The following PCP4 variants were observed in gnomAD, a reference collection of about 807,000 sequenced individuals.
PCP4 encodes the protein calmodulin regulator protein PCP4.
In PCP4, 8 loss-of-function variants were observed where a neutral mutation model predicts 10.0. The observed-to-expected ratio is 0.80, with a 90% CI of 0.47 to 1.45. The LOEUF (loss-of-function observed/expected upper bound fraction) is 1.45, where lower values mean the gene tolerates loss of function less well. Ranked by LOEUF, PCP4 falls within the 40% of genes most tolerant of loss-of-function variation. PCP4 has a pLI of 0.00. For synonymous variants in PCP4, 21 were observed against 23.0 expected, an observed-to-expected ratio of 0.91 and a Z score of 0.24; for missense variants, 54 against 74.4, an observed-to-expected ratio of 0.73 and a Z score of 1.01.
At chr21:39,878,323 T>C (rs1161634024) in intron 1 of PCP4, among the ~76,000 whole-genome samples, 1 of 152,206 alleles carries the variant, frequency 6.6e-6, no homozygotes. Flanking sequence ...CACACATTGA[T>C]TGAAGAATAG....
intron 2 of PCP4, among the ~76,000 whole-genome samples, chr21:39,913,180 C>G (rs7275479): frequency 0.92 from 140,328 of 152,190 alleles, 64,889 homozygotes; most frequent in African/African-American, 0.98. Context: ...TAAAATGACC[C>G]ATCTTTAAAA....
intron 2 of PCP4, among the ~76,000 whole-genome samples, chr21:39,904,310 A>G (rs2087496252): frequency 6.6e-6 from 1 of 152,004 alleles, no homozygotes; most frequent in Admixed American, 6.5e-5. Flanking sequence ...TTCTTGGTGC[A>G]AGATTATCTT....
intron 2 of PCP4, among the ~76,000 whole-genome samples, chr21:39,918,698 C>T (rs774396087): frequency 2.4e-4 from 36 of 152,190 alleles, no homozygotes; most frequent in Non-Finnish European, 4.4e-4. Context: ...TGCCTCTTAG[C>T]ACAGACCTGG....
chr21:39,894,921 C>T (rs2087449587), intron 1 of PCP4, among the ~76,000 whole-genome samples: 1 of 152,152 alleles, frequency 6.6e-6, no homozygotes, highest in Admixed American at 6.5e-5. Context: ...TCTGTCACGT[C>T]ATGAAAAAGA....
At chr21:39,881,527 C>T (rs568890172) in intron 1 of PCP4, among the ~76,000 whole-genome samples, 3 of 152,246 alleles carry the variant, frequency 2.0e-5, no homozygotes, top group African/African-American at 7.2e-5. Flanking sequence ...GTCCTGTCCT[C>T]GCAGATGCAT....
chr21:39,879,140 C>A (rs534953666), intron 1 of PCP4, among the ~76,000 whole-genome samples: 1 of 152,168 alleles, frequency 6.6e-6, no homozygotes, highest in East Asian at 1.9e-4. Flanking sequence ...CAGGTGCGCA[C>A]CACCATGACC....
At position 39,885,106 on chromosome 21, in the gene PCP4, T is replaced by C. The variant is rs111753172; in HGVS notation, c.10-13370T>C. On this transcript the variant is annotated intron_variant, in intron 1 of 2. Coordinates refer to ENST00000328619, the MANE Select transcript of PCP4 (RefSeq NM_006198.3). ...ACACCAGAGTGACCTATGTTCCTGG[T>C]CCTTGTAAATTATGCCAGGATCTCT... 3.5e-3 allele frequency among the ~76,000 whole-genome samples: 531 copies of C among 152,300 alleles called. 4 individuals carry two copies. The highest frequency in any genetic ancestry group is 5.9e-3 in the Non-Finnish European group (400 of 68,032).
intron 1 of PCP4, among the ~76,000 whole-genome samples, chr21:39,882,401 T>C (rs2087380213): frequency 6.6e-6 from 1 of 152,176 alleles, no homozygotes; most frequent in Non-Finnish European, 1.5e-5. Context: ...CTTTGGTCAT[T>C]CTTTGGCTTT....
intron 2 of PCP4, among the ~76,000 whole-genome samples, chr21:39,900,296 A>G (rs147135015): frequency 0.017 from 2,544 of 152,216 alleles, 73 homozygotes; most frequent in African/African-American, 0.057. Context: ...CGGCCCCCCA[A>G]AGTGGTGGGA....
intron 1 of PCP4, among the ~76,000 whole-genome samples, chr21:39,868,159 C>T (rs1228191723): frequency 2.0e-5 from 3 of 152,174 alleles, no homozygotes; most frequent in African/African-American, 7.2e-5. Flanking sequence ...TTTACTGGGG[C>T]CAACTGACAG....
intron 2 of PCP4, among the ~76,000 whole-genome samples, chr21:39,907,509 T>C (rs2087517943): frequency 6.6e-6 from 1 of 152,096 alleles, no homozygotes; most frequent in Non-Finnish European, 1.5e-5. Context: ...AGTAGGTTGC[T>C]AGAATTAAGA....
chr21:39,915,847 C>A (rs1168540617), intron 2 of PCP4, among the ~76,000 whole-genome samples: 1 of 152,164 alleles, frequency 6.6e-6, no homozygotes, highest in East Asian at 1.9e-4. Flanking sequence ...TCTGGATAAC[C>A]ATGTGCTCAG....
At chr21:39,914,759 T>G (rs1367664377) in intron 2 of PCP4, among the ~76,000 whole-genome samples, 1 of 152,070 alleles carries the variant, frequency 6.6e-6, no homozygotes, top group African/African-American at 2.4e-5. Flanking sequence ...TTTTTCTATT[T>G]AAAAACTGGG....
At chr21:39,922,377 A>G (rs1041111733) in intron 2 of PCP4, among the ~76,000 whole-genome samples, 10 of 152,208 alleles carry the variant, frequency 6.6e-5, no homozygotes, top group Non-Finnish European at 4.4e-5. Context: ...GTGACATAAT[A>G]AAACATATAA....
intron 1 of PCP4, among the ~76,000 whole-genome samples, chr21:39,892,568 G>A (rs2087437958): frequency 6.6e-6 from 1 of 151,846 alleles, no homozygotes; most frequent in Non-Finnish European, 1.5e-5. Flanking sequence ...CTTTTTTTAA[G>A]TTTTAATTTT....
intron 1 of PCP4, among the ~76,000 whole-genome samples, chr21:39,876,316 C>T (rs1216433544): frequency 6.6e-6 from 1 of 152,074 alleles, no homozygotes; most frequent in Non-Finnish European, 1.5e-5. Context: ...TATTTCTTAC[C>T]TCTATCAGTT....
intron 2 of PCP4, among the ~76,000 whole-genome samples, chr21:39,899,998 C>T (rs1203210720): frequency 1.3e-5 from 2 of 152,104 alleles, no homozygotes; most frequent in Non-Finnish European, 2.9e-5. Context: ...TAGAGTTTTA[C>T]AGTCAGAAGA....
intron 2 of PCP4, among the ~76,000 whole-genome samples, chr21:39,923,789 G>A (rs375652463): frequency 2.6e-5 from 4 of 152,162 alleles, no homozygotes; most frequent in African/African-American, 7.2e-5. Flanking sequence ...CATACCACTC[G>A]TTTAGACGCC....
chr21:39,917,801 T>C (rs548842061), intron 2 of PCP4, among the ~76,000 whole-genome samples: 3 of 152,244 alleles, frequency 2.0e-5, no homozygotes, highest in African/African-American at 7.2e-5. Flanking sequence ...ATCAAATTCA[T>C]GTGTTGAAGC....
Sources: gnomAD v4.1 joint callset for allele counts (sites outside exome capture counted in the v4.1 genomes callset) on GRCh38, gnomAD v4.1.1 for gene constraint, MANE v1.5 for transcripts, NCBI Gene and HGNC (gene_info 2026-07-23, HGNC 2026-07-21) for gene names.